The following FNDC3B variants were observed in gnomAD, a reference collection of about 807,000 sequenced individuals.
FNDC3B encodes fibronectin type III domain-containing protein 3B.
Under a neutral mutation model 151.5 loss-of-function variants are expected in FNDC3B, and 12 were observed. The observed-to-expected ratio is 0.08, with a 90% confidence interval of 0.05 to 0.13. FNDC3B has a LOEUF of 0.13. Ranked by LOEUF, FNDC3B falls within the 10% of genes least tolerant of loss-of-function variation. The pLI, the probability that FNDC3B is intolerant of heterozygous loss-of-function variation, is 1.00. For missense variants in FNDC3B, 1,214 were observed against 1,505.3 expected (o/e 0.81, Z 3.20); for synonymous variants, 528 against 549.0 (o/e 0.96, Z 0.54).
chr3:172,169,991 G>A (rs867349895), intron 3 of FNDC3B, among the ~76,000 whole-genome samples: 9 of 152,068 alleles, frequency 5.9e-5, no homozygotes, highest in African/African-American at 7.3e-5. Flanking sequence ...TTTCTGTCCC[G>A]TCCTCTGCTG....
chr3:172,147,880 A>AG (rs879474679), intron 3 of FNDC3B, among the ~76,000 whole-genome samples: 2 of 152,174 alleles, frequency 1.3e-5, no homozygotes, highest in Admixed American at 6.5e-5. Flanking sequence ...AATGGACAAA[A>AG]GGGAAAAAAA....
intron 3 of FNDC3B, among the ~76,000 whole-genome samples, chr3:172,152,905 C>T (rs1722302372): frequency 6.6e-6 from 1 of 152,168 alleles, no homozygotes; most frequent in South Asian, 2.1e-4. Context: ...CAGAACAATT[C>T]ATTTGCTGCT....
intron 3 of FNDC3B, among the ~76,000 whole-genome samples, chr3:172,161,923 A>G (rs1722792776): frequency 6.6e-6 from 1 of 151,466 alleles, no homozygotes; most frequent in Non-Finnish European, 1.5e-5. Flanking sequence ...CTGTCTGGAC[A>G]TTTCAGTGGA....
chr3:172,278,917 ACT>A (rs1729566073), intron 6 of FNDC3B, among the ~76,000 whole-genome samples: 1 of 151,968 alleles, frequency 6.6e-6, no homozygotes, highest in East Asian at 1.9e-4. Context: ...ACAGAGTGAG[ACT>A]CTGTCTCAAA....
At chr3:172,285,455 G>A (rs1219148026) in intron 6 of FNDC3B, among the ~76,000 whole-genome samples, 6 of 152,152 alleles carry the variant, frequency 3.9e-5, no homozygotes, top group African/African-American at 9.7e-5. Context: ...CCCGTCGAAC[G>A]TAAACATGTG....
At chr3:172,305,541 GT>G (rs1310302031) in intron 9 of FNDC3B, among the ~76,000 whole-genome samples, 2 of 152,196 alleles carry the variant, frequency 1.3e-5, no homozygotes, top group Non-Finnish European at 2.9e-5. Flanking sequence ...TACAGGTTCA[GT>G]TTTTCTGCCA....
At chr3:172,353,790 A>G (rs1377468763) in intron 22 of FNDC3B, among the ~76,000 whole-genome samples, 1 of 152,216 alleles carries the variant, frequency 6.6e-6, no homozygotes. Context: ...TGAATGCAGC[A>G]TAAATAATTT....
intron 9 of FNDC3B, chr3:172,302,496 GT>G (rs1382169198): frequency 6.6e-6 from 1 of 152,170 alleles, no homozygotes; most frequent in Non-Finnish European, 1.5e-5. Flanking sequence ...GACATTTCAG[GT>G]TTACAAAATG....
chr3:172,145,924 C>T (rs1459980746), intron 3 of FNDC3B, among the ~76,000 whole-genome samples: 1 of 150,948 alleles, frequency 6.6e-6, no homozygotes, highest in Non-Finnish European at 1.5e-5. Flanking sequence ...AGCGATTCTC[C>T]TGCCTCAGCC....
intron 3 of FNDC3B, among the ~76,000 whole-genome samples, chr3:172,225,275 G>A (rs997289678): frequency 6.6e-6 from 1 of 152,184 alleles, no homozygotes; most frequent in African/African-American, 2.4e-5. Flanking sequence ...CTGGGCTCAA[G>A]CCATCCTCCC....
At chr3:172,390,809 G>C (rs1735972093) in intron 25 of FNDC3B, among the ~76,000 whole-genome samples, 1 of 152,124 alleles carries the variant, frequency 6.6e-6, no homozygotes, top group Admixed American at 6.6e-5. Flanking sequence ...CACTGTCCAG[G>C]TCTTTGCTTG....
intron 3 of FNDC3B, among the ~76,000 whole-genome samples, chr3:172,163,834 C>A (rs1051023050): frequency 4.6e-5 from 7 of 152,164 alleles, no homozygotes; most frequent in African/African-American, 1.7e-4. Context: ...AGAATTACTG[C>A]TTTCCTAGAT....
At chr3:172,211,527 C>A (rs1490166506) in intron 3 of FNDC3B, among the ~76,000 whole-genome samples, 2 of 152,118 alleles carry the variant, frequency 1.3e-5, no homozygotes. Flanking sequence ...GTTAGAAGGA[C>A]CCAAGGGGAA....
chr3:172,347,408 T>C, intron 21 of FNDC3B, 47 bp downstream of exon 21: 1 of 1,472,498 alleles, frequency 6.8e-7, no homozygotes, highest in Non-Finnish European at 9.1e-7. Context: ...TGCTGTCCCA[T>C]GAAAGGCACT....
At chr3:172,376,506 G>A (rs1051939001) in intron 23 of FNDC3B, among the ~76,000 whole-genome samples, 13 of 152,168 alleles carry the variant, frequency 8.5e-5, no homozygotes, top group African/African-American at 3.1e-4. Context: ...TTCAATTTGT[G>A]ATATAATTAA....
At chr3:172,295,139 A>G (rs1576882605) in intron 7 of FNDC3B, among the ~76,000 whole-genome samples, 1 of 152,362 alleles carries the variant, frequency 6.6e-6, no homozygotes, top group Non-Finnish European at 1.5e-5. Context: ...ACAGAATGCA[A>G]ATTGCACTGG....
intron 23 of FNDC3B, among the ~76,000 whole-genome samples, chr3:172,373,290 A>C (rs1456021670): frequency 1.3e-5 from 2 of 152,220 alleles, no homozygotes; most frequent in African/African-American, 4.8e-5. Context: ...ATGCACACTG[A>C]AGTATTAATA....
chr3:172,107,056 C>T (rs779940160), intron 1 of FNDC3B, among the ~76,000 whole-genome samples: 3 of 152,054 alleles, frequency 2.0e-5, no homozygotes, highest in Non-Finnish European at 4.4e-5. Context: ...GTTGGAAATG[C>T]GGGGTCTTGC....
intron 11 of FNDC3B, among the ~76,000 whole-genome samples, chr3:172,322,269 A>G (rs1211671431): frequency 2.0e-5 from 3 of 152,136 alleles, no homozygotes; most frequent in Admixed American, 6.5e-5. Flanking sequence ...TTTGGACTGG[A>G]CCTATCTGGG....
Sources: gnomAD v4.1 joint callset for allele counts (sites outside exome capture counted in the v4.1 genomes callset) on GRCh38, gnomAD v4.1.1 for gene constraint, MANE v1.5 for transcripts, NCBI Gene and HGNC (gene_info 2026-07-23, HGNC 2026-07-21) for gene names.